Variants in APBA1 observed in about 807,000 individuals in gnomAD.
APBA1 encodes amyloid beta precursor protein binding family A member 1, also known as amyloid-beta A4 precursor protein-binding family A member 1.
A neutral mutation model predicts 86.6 loss-of-function variants in APBA1; 55 were observed. That is an observed-to-expected ratio of 0.64 (90% CI 0.51 to 0.80). The LOEUF is 0.80. APBA1 is among the 30% of genes least tolerant of loss of function. The pLI, the probability that APBA1 is intolerant of heterozygous loss-of-function variation, is 0.00. For missense variants in APBA1, 1,090 were observed against 1,183.0 expected, an observed-to-expected ratio of 0.92 and a Z score of 1.15; for synonymous variants, 511 against 493.9, an observed-to-expected ratio of 1.03 and a Z score of -0.46.
At chr9:69,514,426 A>G (rs1368067770) in intron 2 of APBA1, among the ~76,000 whole-genome samples, 1 of 152,138 alleles carries the variant, frequency 6.6e-6, no homozygotes, top group Admixed American at 6.5e-5. Flanking sequence ...CCCCACTCCT[A>G]CTAAAAATAC....
chr9:69,644,973 G>T (rs1302570594), intron 1 of APBA1, among the ~76,000 whole-genome samples: 2 of 152,044 alleles, frequency 1.3e-5, no homozygotes, highest in East Asian at 3.9e-4. Context: ...ATGGTGGGAA[G>T]AATCTATAGA....
At chr9:69,629,920 G>A (rs1250155483) in intron 1 of APBA1, among the ~76,000 whole-genome samples, 4 of 152,148 alleles carry the variant, frequency 2.6e-5, no homozygotes, top group Non-Finnish European at 5.9e-5. Context: ...CAGTGTCCAG[G>A]TGCTTGAAAT....
At chr9:69,476,414 G>C (rs1835447994) in intron 2 of APBA1, among the ~76,000 whole-genome samples, 3 of 152,152 alleles carry the variant, frequency 2.0e-5, no homozygotes, top group Admixed American at 2.0e-4. Flanking sequence ...AGAAAATACA[G>C]AAAAGGTTGA....
At chr9:69,671,692 A>G (rs1009367837) in intron 1 of APBA1, among the ~76,000 whole-genome samples, 1 of 152,084 alleles carries the variant, frequency 6.6e-6, no homozygotes, top group Non-Finnish European at 1.5e-5. Flanking sequence ...TCACACACCA[A>G]GTGCATCCTG....
At chr9:69,557,874 G>T (rs1024419089) in intron 1 of APBA1, among the ~76,000 whole-genome samples, 3 of 152,174 alleles carry the variant, frequency 2.0e-5, no homozygotes, top group African/African-American at 4.8e-5. Flanking sequence ...AATGATGTAT[G>T]TATGTTGTGC....
At chr9:69,641,694 A>T (rs897940266) in intron 1 of APBA1, among the ~76,000 whole-genome samples, 1 of 152,224 alleles carries the variant, frequency 6.6e-6, no homozygotes, top group Non-Finnish European at 1.5e-5. Flanking sequence ...CATATGTGAA[A>T]AAAATCAATC....
At chr9:69,541,564 G>C (rs1836614266) in intron 1 of APBA1, among the ~76,000 whole-genome samples, 2 of 116,290 alleles carry the variant, frequency 1.7e-5, no homozygotes, top group African/African-American at 6.2e-5. Flanking sequence ...TTTTTTTTTG[G>C]TTTCTTGCTG....
At chr9:69,460,270 T>C (rs1022021218) in intron 5 of APBA1, among the ~76,000 whole-genome samples, 3 of 152,172 alleles carry the variant, frequency 2.0e-5, no homozygotes, top group African/African-American at 7.2e-5. Flanking sequence ...TCACAGTGAA[T>C]AGTCTGCTCT....
chr9:69,539,142 A>G (rs988585576), intron 1 of APBA1, among the ~76,000 whole-genome samples: 1 of 152,140 alleles, frequency 6.6e-6, no homozygotes, highest in African/African-American at 2.4e-5. Flanking sequence ...TTAAGTATCT[A>G]CACTGTCCTC....
rs1834585154 is a variant in APBA1, at chr9:69,431,157, AAAAAG to A, written c.*165_*169del. 1 of 505,332 alleles carries A rather than the reference AAAAAG, an allele frequency of 2.0e-6. No homozygotes were observed. Among genetic ancestry groups the A allele is most frequent in the African/African-American group, 2.0e-5 (1 of 49,962 alleles). The allele number at this position is 505,332 out of a possible 1,614,324, so 31.3% of individuals were successfully genotyped here. A position where few individuals can be genotyped will look rare whatever the true frequency, so the allele number is the denominator to read the frequency against. On this transcript the variant is annotated 3_prime_UTR_variant, in exon 13 of 13. Coordinates refer to ENST00000265381, the MANE Select transcript of APBA1 (RefSeq NM_001163.4). ...CCTGGTATTGAAAAAAAAAAAAAAA[AAAAAG>A]CAAATCGGAGAGAGTAAAGAGGTCC... is the stretch of plus-strand genomic sequence containing the variant.
At position 69,512,847 on chromosome 9, in the gene APBA1, C is replaced by T. The variant is rs534178636; in HGVS notation, c.1200+3164G>A. On this transcript the variant is annotated intron_variant, in intron 2 of 12. Coordinates refer to ENST00000265381, the MANE Select transcript of APBA1 (RefSeq NM_001163.4). ...AACTTGCATTTCTAATAAGTACCAC[C>T]CAGACAGACTTCAGATCACATGGTT... is the stretch of plus-strand genomic sequence containing the variant. Among the ~76,000 whole-genome samples, 55 of 152,082 alleles carry T rather than the reference C, an allele frequency of 3.6e-4. No homozygotes were observed. The South Asian group carries it at 0.011, about 30-fold the overall frequency.
chr9:69,630,797 G>A (rs1487257910), intron 1 of APBA1, among the ~76,000 whole-genome samples: 1 of 152,086 alleles, frequency 6.6e-6, no homozygotes, highest in Non-Finnish European at 1.5e-5. Flanking sequence ...ATAAACATAG[G>A]TGTTCATGTG....
chr9:69,570,685 T>A (rs1237104081), intron 1 of APBA1, among the ~76,000 whole-genome samples: 4 of 152,218 alleles, frequency 2.6e-5, no homozygotes, highest in Non-Finnish European at 5.9e-5. Context: ...CTTTGTCTTT[T>A]TTTTGTTACC....
intron 1 of APBA1, among the ~76,000 whole-genome samples, chr9:69,640,317 C>T (rs766682302): frequency 9.9e-5 from 15 of 152,044 alleles, no homozygotes; most frequent in Non-Finnish European, 1.9e-4. Flanking sequence ...TGAGCCCTCA[C>T]TCCCGGGAAA....
At chr9:69,591,709 TTC>T (rs1822132949) in intron 1 of APBA1, among the ~76,000 whole-genome samples, 1 of 152,190 alleles carries the variant, frequency 6.6e-6, no homozygotes, top group African/African-American at 2.4e-5. Flanking sequence ...ACCGCAACTG[TTC>T]TCTCTTTTGT....
intron 1 of APBA1, among the ~76,000 whole-genome samples, chr9:69,662,581 A>G (rs1007828102): frequency 1.5e-4 from 23 of 152,378 alleles, no homozygotes; most frequent in African/African-American, 5.3e-4. Flanking sequence ...GTACTAGCTC[A>G]GGGAAAAATG....
At chr9:69,653,881 G>A (rs902663876) in intron 1 of APBA1, among the ~76,000 whole-genome samples, 1 of 152,162 alleles carries the variant, frequency 6.6e-6, no homozygotes, top group African/African-American at 2.4e-5. Flanking sequence ...GCCGAGGCAG[G>A]TGGATCACTT....
chr9:69,602,371 A>T (rs1484340439), intron 1 of APBA1, among the ~76,000 whole-genome samples: 1 of 152,040 alleles, frequency 6.6e-6, no homozygotes, highest in East Asian at 1.9e-4. Context: ...GGAGATCAAG[A>T]CCATCCTGCC....
At chr9:69,672,744 G>C (rs999592422), upstream of APBA1, 1 of 152,288 alleles carries the variant, frequency 6.6e-6, no homozygotes, top group African/African-American at 2.4e-5. Flanking sequence ...CCGGACGCAA[G>C]GAGGGGAAAA....
Sources: gnomAD v4.1 joint callset for allele counts (sites outside exome capture counted in the v4.1 genomes callset) on GRCh38, gnomAD v4.1.1 for gene constraint, MANE v1.5 for transcripts, NCBI Gene and HGNC (gene_info 2026-07-23, HGNC 2026-07-21) for gene names.